The following TUBA1C variants were observed in gnomAD, a reference collection of about 807,000 sequenced individuals.
The protein encoded by TUBA1C is tubulin alpha-1C chain.
TUBA1C carries 16 observed loss-of-function variants against 34.9 expected under a neutral mutation model. That is an observed-to-expected ratio of 0.46 (90% CI 0.31 to 0.70). The LOEUF is 0.70. Among genes scored for constraint, TUBA1C ranks in the 30% least tolerant of loss-of-function variants. The pLI, the probability that TUBA1C is intolerant of heterozygous loss-of-function variation, is 0.05. For synonymous variants in TUBA1C, 177 were observed against 215.9 expected, an observed-to-expected ratio of 0.82 and a Z score of 1.58; for missense variants, 329 against 587.3, an observed-to-expected ratio of 0.56 and a Z score of 4.55.
chr12:49,245,997 C>G (rs925608144), intron 1 of TUBA1C, among the ~76,000 whole-genome samples: 5 of 152,132 alleles, frequency 3.3e-5, no homozygotes, highest in Non-Finnish European at 7.4e-5. Flanking sequence ...CTCAGCGTCC[C>G]AAGTTCAAGC....
At chr12:49,259,324 C>T (rs1392318562) in intron 1 of TUBA1C, among the ~76,000 whole-genome samples, 3 of 152,016 alleles carry the variant, frequency 2.0e-5, no homozygotes, top group East Asian at 1.9e-4. Context: ...CTCTGCCTCC[C>T]GGGTTCAAGC....
At chr12:49,246,504 C>T (rs1942669306) in intron 1 of TUBA1C, among the ~76,000 whole-genome samples, 2 of 151,288 alleles carry the variant, frequency 1.3e-5, no homozygotes, top group African/African-American at 2.4e-5. Flanking sequence ...ACGGTGAAAC[C>T]CCGTCTCTAC....
chr12:49,270,275 A>C, intron 3 of TUBA1C: 2 of 501,546 alleles, frequency 4.0e-6, no homozygotes, highest in Non-Finnish European at 7.2e-6. Flanking sequence ...AATTGATCAG[A>C]GTCATTTTTT....
chr12:49,230,076 A>G (rs1592270535), intron 1 of TUBA1C, among the ~76,000 whole-genome samples: 2 of 147,082 alleles, frequency 1.4e-5, no homozygotes, highest in African/African-American at 5.0e-5. Flanking sequence ...ATAAGTCAAC[A>G]TCCTGGCCTT....
At chr12:49,244,930 C>A (rs2136996823) in intron 1 of TUBA1C, among the ~76,000 whole-genome samples, 1 of 151,980 alleles carries the variant, frequency 6.6e-6, no homozygotes, top group East Asian at 1.9e-4. Context: ...ATAATAACAC[C>A]CCAGGTATTA....
chr12:49,265,752 A>G (rs945327306), intron 1 of TUBA1C, among the ~76,000 whole-genome samples: 1 of 152,122 alleles, frequency 6.6e-6, no homozygotes, highest in Non-Finnish European at 1.5e-5. Flanking sequence ...ATTAACTTTC[A>G]CGTTGCCTAA....
intron 1 of TUBA1C, among the ~76,000 whole-genome samples, chr12:49,255,405 A>AAAATATATATATAT (rs533723121): frequency 7.1e-6 from 1 of 141,314 alleles, no homozygotes; most frequent in African/African-American, 2.6e-5. Context: ...ATCTTTAAAA[A>AAAATATATATATAT]ATATATATAT....
rs1187840806 is a variant in TUBA1C at position 49,269,851 on chromosome 12, C to T, written c.250C>T (p.Arg84Cys). 1.4e-5 allele frequency: 22 copies of T among 1,613,864 alleles called. No homozygotes were observed. Among genetic ancestry groups the T allele is most frequent in the Admixed American group, 1.3e-4 (8 of 59,972 alleles). ...VIDEVRTGTY[R>C]QLFHPEQLIT... Reference sequence around the variant, plus strand: ...AGATGAAGTTCGCACTGGCACTTACCGCCAGCTCTTCCACCCTGAGCAACT... The same window carrying T: ...AGATGAAGTTCGCACTGGCACTTACTGCCAGCTCTTCCACCCTGAGCAACT... The change falls in exon 3 of 4, where the codon CGC (arginine) becomes TGC (cysteine). Residue 84 changes from arginine (R) to cysteine (C), a missense_variant. Arg to Cys is a radical substitution (Grantham distance 180). Transcript: ENST00000301072.
intron 1 of TUBA1C, among the ~76,000 whole-genome samples, chr12:49,234,650 G>T (rs1565637805): frequency 6.6e-6 from 1 of 152,154 alleles, no homozygotes; most frequent in African/African-American, 2.4e-5. Context: ...CGCCCGCCAC[G>T]AAGGCCACTT....
At chr12:49,259,361 A>G (rs551241859) in intron 1 of TUBA1C, among the ~76,000 whole-genome samples, 20 of 151,870 alleles carry the variant, frequency 1.3e-4, no homozygotes, top group African/African-American at 4.3e-4. Context: ...CCTCCTGTGT[A>G]GCTGGCACAC....
chr12:49,264,787 G>A (rs1942878144), upstream of TUBA1C: 1 of 169,820 alleles, frequency 5.9e-6, no homozygotes, highest in Non-Finnish European at 1.2e-5. Context: ...CAGCCCCAGA[G>A]CCCTTCCTGC....
In TUBA1C at chr12:49,272,309, A is replaced by G; in HGVS notation, c.432A>G (p.Gly144=). 6.2e-7 allele frequency: 1 copy of G among 1,613,734 alleles called. No individual in the cohort carries two copies. Among genetic ancestry groups the G allele is most frequent in the Non-Finnish European group, 8.5e-7 (1 of 1,179,914 alleles). Residue 144 remains glycine (G), a synonymous_variant, in exon 4 of 4, where the codon GGA becomes GGG. Coordinates refer to ENST00000301072, the MANE Select transcript of TUBA1C (RefSeq NM_032704.5). ...TGGTTTTCCACAGCTTTGGTGGGGG[A>G]ACTGGTTCTGGGTTCACCTCGCTGC... ...GFLVFHSFGG[G]TGSGFTSLLM...
rs1943034895 is a variant in TUBA1C at position 49,274,408 on chromosome 12, A to G, written c.*1181A>G. Reference sequence around the variant, plus strand: ...CAGCCTCCCAAAGTGCTGGGATTACAGGAGTGAGCCACTACACCTGGCCCC... The same window carrying G: ...CAGCCTCCCAAAGTGCTGGGATTACGGGAGTGAGCCACTACACCTGGCCCC... On this transcript the variant is annotated 3_prime_UTR_variant, in exon 4 of 4. Coordinates refer to ENST00000301072, the MANE Select transcript of TUBA1C (RefSeq NM_032704.5). 6.8e-6 allele frequency: 1 copy of G among 146,574 alleles called. No homozygotes were observed. The highest frequency in any genetic ancestry group is 2.1e-4 in the East Asian group (1 of 4,716). 9.1% of individuals were successfully genotyped at this position (146,574 alleles called of 1,614,324 possible).
At chr12:49,235,735 A>C (rs75118099) in intron 1 of TUBA1C, among the ~76,000 whole-genome samples, 1 of 150,642 alleles carries the variant, frequency 6.6e-6, no homozygotes, top group African/African-American at 2.4e-5. Context: ...TCGGTCTCAA[A>C]AAAAAAAAAA....
At chr12:49,233,308 CCTTTA>C (rs1448186765) in intron 1 of TUBA1C, 5 of 152,274 alleles carry the variant, frequency 3.3e-5, no homozygotes, top group Non-Finnish European at 5.9e-5. Context: ...AGGTTCCCCT[CCTTTA>C]CTTCTGTTTC....
intron 1 of TUBA1C, among the ~76,000 whole-genome samples, chr12:49,251,605 G>A (rs117336724): frequency 0.036 from 5,529 of 151,798 alleles, 117 homozygotes; most frequent in Middle Eastern, 0.085. Context: ...TGAAACCCCT[G>A]TCTCTACTAA....
intron 1 of TUBA1C, among the ~76,000 whole-genome samples, chr12:49,229,535 G>A (rs1335029325): frequency 2.0e-5 from 3 of 151,990 alleles, no homozygotes; most frequent in Non-Finnish European, 2.9e-5. Flanking sequence ...CCCCTTATAC[G>A]AATAAATTAT....
intron 1 of TUBA1C, among the ~76,000 whole-genome samples, chr12:49,247,186 C>G (rs558594909): frequency 7.3e-5 from 11 of 151,366 alleles, no homozygotes; most frequent in African/African-American, 2.7e-4. Flanking sequence ...AGAAAAGAAA[C>G]TAAGCAGAGA....
At chr12:49,245,195 G>A (rs956238727) in intron 1 of TUBA1C, among the ~76,000 whole-genome samples, 21 of 152,132 alleles carry the variant, frequency 1.4e-4, no homozygotes, top group African/African-American at 4.8e-4. Context: ...GTCCAGCTAT[G>A]GCAGTGTGAA....
Sources: gnomAD v4.1 joint callset for allele counts (sites outside exome capture counted in the v4.1 genomes callset) on GRCh38, gnomAD v4.1.1 for gene constraint, MANE v1.5 for transcripts, NCBI Gene and HGNC (gene_info 2026-07-23, HGNC 2026-07-21) for gene names.